Variants in GALR3 observed in about 807,000 individuals in gnomAD.
GALR3 encodes the protein galanin receptor 3.
A neutral mutation model predicts 6.9 loss-of-function variants in GALR3; 5 were observed. The observed-to-expected ratio is 0.72, with a 90% CI of 0.38 to 1.52. The LOEUF (loss-of-function observed/expected upper bound fraction) is 1.52. Among genes scored for constraint, GALR3 ranks in the 40% most tolerant of loss-of-function variants. GALR3 has a pLI of 0.03. For missense variants in GALR3, 570 were observed against 545.6 expected (o/e 1.04, Z -0.44); for synonymous variants, 308 against 263.6 (o/e 1.17, Z -1.63).
Position 37,824,911 on chromosome 22 carries a change from C to G in GALR3, c.548C>G (p.Ala183Gly). Residue 183 changes from alanine (A) to glycine (G), a missense_variant, in exon 2 of 2, where the codon GCC (alanine) becomes GGC (glycine). Physicochemically the swap from Ala to Gly is moderately conservative, Grantham distance 60 (BLOSUM62 0). Transcript: ENST00000249041. ...GCCTGGGAGGACGCGCGCCGCCGCG[C>G]CCTGGACGTGGCCACCTTCGCTGCC... is the stretch of plus-strand genomic sequence containing the variant. The part of the protein sequence containing the change: ...VPAWEDARRR[A>G]LDVATFAAGY... 7.4e-7 allele frequency: 1 copy of G among 1,357,468 alleles called. No individual in the cohort carries two copies. The highest frequency in any genetic ancestry group is 9.5e-7 in the Non-Finnish European group (1 of 1,050,758). The allele number at this position is 1,357,468 out of a possible 1,614,324, so 84.1% of individuals were successfully genotyped here.
Position 37,824,932 on chromosome 22 carries a change from C to A in GALR3, c.569C>A (p.Ala190Asp). 7.5e-7 allele frequency: 1 copy of A among 1,334,398 alleles called. No individual in the cohort carries two copies. The highest frequency in any genetic ancestry group is 9.6e-7 in the Non-Finnish European group (1 of 1,037,494). The allele number at this position is 1,334,398 out of a possible 1,614,324, so 82.7% of individuals were successfully genotyped here. ...RRRALDVATF[A>D]AGYLLPVAVV... ...CGCGCCCTGGACGTGGCCACCTTCGCTGCCGGCTACCTGCTGCCCGTGGCT... is the reference window on the plus strand; with the variant it reads ...CGCGCCCTGGACGTGGCCACCTTCGATGCCGGCTACCTGCTGCCCGTGGCT... Residue 190 changes from alanine (A) to aspartate (D), a missense_variant, in exon 2 of 2, where the codon GCT becomes GAT. Coordinates refer to ENST00000249041, the MANE Select transcript of GALR3 (RefSeq NM_003614.2).
Position 37,825,087 on chromosome 22 carries a change from G to C in GALR3, c.724G>C (p.Ala242Pro). ...RAGRAMLAVA[A>P]LYALCWGPHH... is the part of the protein sequence containing the mutation. ...GGGGCGCGCCATGCTGGCGGTGGCCGCGCTCTACGCGCTCTGCTGGGGTCC... is the reference window on the plus strand; with the variant it reads ...GGGGCGCGCCATGCTGGCGGTGGCCCCGCTCTACGCGCTCTGCTGGGGTCC... The change falls in exon 2 of 2, where the codon GCG (alanine) becomes CCG (proline). Residue 242 changes from alanine to proline, a missense_variant. Ala to Pro is a conservative substitution (Grantham distance 27). Transcript: ENST00000249041. 2.5e-6 allele frequency: 3 copies of C among 1,202,122 alleles called. No individual in the cohort carries two copies. The highest frequency in any genetic ancestry group is 6.2e-5 in the South Asian group (2 of 32,488). 74.5% of individuals were successfully genotyped at this position (1,202,122 alleles called of 1,614,324 possible).
chr22:37,823,968 C>A (rs1224570093), intron 1 of GALR3, among the ~76,000 whole-genome samples: 1 of 152,154 alleles, frequency 6.6e-6, no homozygotes, highest in Non-Finnish European at 1.5e-5. Flanking sequence ...CTGTCCTGCC[C>A]TTCCCCTCCT....
chr22:37,823,495 T>A lies in GALR3; in HGVS notation c.89T>A (p.Leu30Gln), dbSNP rs1922502031. ...GTGGTCTTTGCCCTAATCTTCCTGC[T>A]GGGCACAGTGGGCAATGGGCTGGTG... is the stretch of plus-strand genomic sequence containing the variant. ...VPVVFALIFL[L>Q]GTVGNGLVLA... Residue 30 changes from leucine (L) to glutamine (Q), a missense_variant, in exon 1 of 2, where the codon CTG becomes CAG. Transcript: ENST00000249041. 6.5e-7 allele frequency: 1 copy of A among 1,548,358 alleles called. No individual in the cohort carries two copies. Among genetic ancestry groups the A allele is most frequent in the Admixed American group, 1.7e-5 (1 of 57,692 alleles).
chr22:37,824,330 C>T (rs1252927827), intron 1 of GALR3, among the ~76,000 whole-genome samples: 2 of 151,928 alleles, frequency 1.3e-5, no homozygotes, highest in Non-Finnish European at 2.9e-5. Context: ...CTCGGCCTCC[C>T]AAGTGCTGGG....
At position 37,824,741 on chromosome 22, in the gene GALR3, C is replaced by G; in HGVS notation, c.378C>G (p.His126Gln). The G allele has an allele frequency of 8.1e-7, 1 of 1,236,320 alleles. No individual in the cohort carries two copies. The highest frequency in any genetic ancestry group is 1.0e-6 in the Non-Finnish European group (1 of 989,862). The allele number at this position is 1,236,320 out of a possible 1,614,324, so 76.6% of individuals were successfully genotyped here. ...VSVDRYLAVR[H>Q]PLRSRALRTP... ...TCCGCAGGTACCTGGCCGTGCGGCA[C>G]CCGCTGCGCTCGCGCGCCCTGCGCA... The change falls in exon 2 of 2, where the codon CAC becomes CAG. Residue 126 changes from histidine to glutamine, a missense_variant. Coordinates refer to ENST00000249041, the MANE Select transcript of GALR3 (RefSeq NM_003614.2).
At position 37,825,093 on chromosome 22, in the gene GALR3, TACGCGCTCTGCTGGGGTCCGCACC is replaced by T. The variant is rs759387661; in HGVS notation, c.739_762del (p.Cys247_Leu254del). ...CGCCATGCTGGCGGTGGCCGCGCTC[TACGCGCTCTGCTGGGGTCCGCACC>T]ACGCGCTCATCCTGTGCTTCTGGTA... On this transcript the variant is annotated inframe_deletion, in exon 2 of 2. Transcript: ENST00000249041. 8.8e-6 allele frequency: 11 copies of T among 1,250,880 alleles called. No homozygotes were observed. Among genetic ancestry groups the T allele is most frequent in the Non-Finnish European group, 1.1e-5 (11 of 986,412 alleles). The allele number at this position is 1,250,880 out of a possible 1,614,324, so 77.5% of individuals were successfully genotyped here. A position where few individuals can be genotyped will look rare whatever the true frequency, so the allele number is the denominator to read the frequency against.
In GALR3 at chr22:37,823,414, A is replaced by C. The variant is rs140735671; in HGVS notation, c.8A>C (p.Asp3Ala). ...TGCCCGTCTGATGGGGAGATGGCTG[A>C]TGCCCAGAACATTTCACTGGACAGC... MADAQNISLDSPG... is the reference protein window; with the variant it reads MAAAQNISLDSPG... Residue 3 changes from aspartate (D) to alanine (A), a missense_variant, in exon 1 of 2, where the codon GAT (aspartate) becomes GCT (alanine). By Grantham distance (126) the Asp-to-Ala change is moderately radical. Coordinates refer to ENST00000249041, the MANE Select transcript of GALR3 (RefSeq NM_003614.2). The C allele has an allele frequency of 2.9e-4, 460 of 1,577,294 alleles. 1 individual carries two copies. The African/African-American group carries it at 5.0e-3, about 17-fold the overall frequency.
chr22:37,825,270 C>G lies in GALR3; in HGVS notation c.907C>G (p.Arg303Gly), dbSNP rs1204409449. ...LASRHFRARFRRLWPCGRRRR... is the reference protein window; with the variant it reads ...LASRHFRARFGRLWPCGRRRR... ...CTCGCGCCACTTCCGCGCGCGCTTCCGCCGCCTGTGGCCGTGCGGCCGCCG... is the reference window on the plus strand; with the variant it reads ...CTCGCGCCACTTCCGCGCGCGCTTCGGCCGCCTGTGGCCGTGCGGCCGCCG... The change falls in exon 2 of 2, where the codon CGC (arginine) becomes GGC (glycine). Residue 303 changes from arginine (R) to glycine (G), a missense_variant. Physicochemically the swap from Arg to Gly is moderately radical, Grantham distance 125. Coordinates refer to ENST00000249041, the MANE Select transcript of GALR3 (RefSeq NM_003614.2). 5.7e-6 allele frequency: 8 copies of G among 1,394,038 alleles called. No homozygotes were observed. The highest frequency in any genetic ancestry group is 2.3e-5 in the Admixed American group (1 of 43,816). 86.4% of individuals were successfully genotyped at this position (1,394,038 alleles called of 1,614,324 possible).
chr22:37,823,680 G>A lies in GALR3; in HGVS notation c.274G>A (p.Ala92Thr). 1 of 1,613,896 alleles carries A rather than the reference G, an allele frequency of 6.2e-7. No individual in the cohort carries two copies. Among genetic ancestry groups the A allele is most frequent in the Middle Eastern group, 1.7e-4 (1 of 6,010 alleles). The change falls in exon 1 of 2, where the codon GCC becomes ACC. Residue 92 changes from alanine to threonine, a missense_variant. Coordinates refer to ENST00000249041, the MANE Select transcript of GALR3 (RefSeq NM_003614.2). Reference sequence around the variant, plus strand: ...CACGCTGGATGCCTGGCTCTTTGGGGCCCTCGTCTGCAAGGCCGTGCACCT... The same window carrying A: ...CACGCTGGATGCCTGGCTCTTTGGGACCCTCGTCTGCAAGGCCGTGCACCT... ...IYTLDAWLFGALVCKAVHLLI... is the reference protein window; with the variant it reads ...IYTLDAWLFGTLVCKAVHLLI...
rs766800404 is a variant in GALR3, at chr22:37,825,154, C to T, written c.791C>T (p.Ala264Val). The change falls in exon 2 of 2, where the codon GCC becomes GTC. Residue 264 changes from alanine to valine, a missense_variant. Transcript: ENST00000249041. ...CTGTGCTTCTGGTACGGCCGCTTCG[C>T]CTTCAGCCCGGCCACCTACGCCTGC... ...LILCFWYGRF[A>V]FSPATYACRL... 1.0e-5 allele frequency: 15 copies of T among 1,481,286 alleles called. No individual in the cohort carries two copies. Among genetic ancestry groups the T allele is most frequent in the South Asian group, 3.7e-5 (3 of 82,128 alleles). 91.8% of individuals were successfully genotyped at this position (1,481,286 alleles called of 1,614,324 possible). A position where few individuals can be genotyped will look rare whatever the true frequency, so the allele number is the denominator to read the frequency against.
chr22:37,825,096 G>A lies in GALR3; in HGVS notation c.733G>A (p.Ala245Thr), dbSNP rs760511073. 3 of 1,259,468 alleles carry A rather than the reference G, an allele frequency of 2.4e-6. No individual in the cohort carries two copies. The highest frequency in any genetic ancestry group is 2.4e-5 in the South Asian group (1 of 40,854). The allele number at this position is 1,259,468 out of a possible 1,614,324, so 78.0% of individuals were successfully genotyped here. Reference protein sequence around the residue: ...RAMLAVAALYALCWGPHHALI... With the variant: ...RAMLAVAALYTLCWGPHHALI... Reference sequence around the variant, plus strand: ...CATGCTGGCGGTGGCCGCGCTCTACGCGCTCTGCTGGGGTCCGCACCACGC... The same window carrying A: ...CATGCTGGCGGTGGCCGCGCTCTACACGCTCTGCTGGGGTCCGCACCACGC... Residue 245 changes from alanine (A) to threonine (T), a missense_variant, in exon 2 of 2, where the codon GCG becomes ACG. Transcript: ENST00000249041.
In GALR3 at chr22:37,823,576, C is replaced by A. The variant is rs1267537477; in HGVS notation, c.170C>A (p.Thr57Lys). The change falls in exon 1 of 2, where the codon ACG becomes AAG. Residue 57 changes from threonine (T) to lysine (K), a missense_variant. Thr to Lys is a moderately conservative substitution (Grantham distance 78, BLOSUM62 -1). Coordinates refer to ENST00000249041, the MANE Select transcript of GALR3 (RefSeq NM_003614.2). ...PSAWQEPGST[T>K]DLFILNLAVA... ...GCCTGGCAGGAGCCTGGCAGCACCA[C>A]GGACCTGTTCATCCTCAACCTGGCG... 1 of 1,614,102 alleles carries A rather than the reference C, an allele frequency of 6.2e-7. No individual in the cohort carries two copies. Among genetic ancestry groups the A allele is most frequent in the South Asian group, 1.1e-5 (1 of 91,074 alleles).
At chr22:37,824,001 G>A (rs780086286) in intron 1 of GALR3, among the ~76,000 whole-genome samples, 2 of 152,150 alleles carry the variant, frequency 1.3e-5, no homozygotes, top group African/African-American at 2.4e-5. Flanking sequence ...TCCAGAGGAC[G>A]CCTCTGAGTC....
In GALR3 at chr22:37,825,230, C is replaced by T. The variant is rs781271024; in HGVS notation, c.867C>T (p.Leu289=). 18 of 1,464,226 alleles carry T rather than the reference C, an allele frequency of 1.2e-5. No individual in the cohort carries two copies. The highest frequency in any genetic ancestry group is 1.5e-5 in the Non-Finnish European group (17 of 1,101,768). 90.7% of individuals were successfully genotyped at this position (1,464,226 alleles called of 1,614,324 possible). A position where few individuals can be genotyped will look rare whatever the true frequency, so the allele number is the denominator to read the frequency against. Residue 289 remains leucine (L), a synonymous_variant, in exon 2 of 2, where the codon CTC becomes CTT. Transcript: ENST00000249041. The stretch of plus-strand genomic sequence containing the variant: ...ACGCCAACTCCTGCCTCAACCCGCT[C>T]GTCTACGCGCTCGCCTCGCGCCACT... ...LAYANSCLNP[L]VYALASRHFR... is the part of the protein sequence containing the mutation.
At chr22:37,824,652 G>A in intron 1 of GALR3, 71 bp from the exon 2 acceptor site, 1 of 988,706 alleles carries the variant, frequency 1.0e-6, no homozygotes, top group Non-Finnish European at 1.3e-6. Flanking sequence ...CGCAGGGCCC[G>A]GGCGCGGGAC....
At position 37,823,439 on chromosome 22, in the gene GALR3, C is replaced by T. The variant is rs61737835; in HGVS notation, c.33C>T (p.Ser11=). 2 of 1,607,914 alleles carry T rather than the reference C, an allele frequency of 1.2e-6. No homozygotes were observed. Among genetic ancestry groups the T allele is most frequent in the African/African-American group, 1.3e-5 (1 of 74,970 alleles). The change falls in exon 1 of 2, where the codon AGC becomes AGT. Residue 11 remains serine, a synonymous_variant. Coordinates refer to ENST00000249041, the MANE Select transcript of GALR3 (RefSeq NM_003614.2). ...ATGCCCAGAACATTTCACTGGACAG[C>T]CCAGGGAGTGTGGGGGCCGTGGCAG... MADAQNISLD[S]PGSVGAVAVP... is the part of the protein sequence containing the mutation.
rs762519996 is a variant in GALR3, at chr22:37,825,137, C to T, written c.774C>T (p.Phe258=). ...CGCACCACGCGCTCATCCTGTGCTT[C>T]TGGTACGGCCGCTTCGCCTTCAGCC... ...WGPHHALILC[F]WYGRFAFSPA... The change falls in exon 2 of 2, where the codon TTC becomes TTT. Residue 258 remains phenylalanine, a synonymous_variant. Transcript: ENST00000249041. 5 of 1,466,924 alleles carry T rather than the reference C, an allele frequency of 3.4e-6. No homozygotes were observed. In the South Asian group the frequency reaches 3.7e-5, roughly 11 times the overall value. 90.9% of individuals were successfully genotyped at this position (1,466,924 alleles called of 1,614,324 possible).
At position 37,824,919 on chromosome 22, in the gene GALR3, G is replaced by A; in HGVS notation, c.556G>A (p.Val186Met). 7.4e-7 allele frequency: 1 copy of A among 1,349,582 alleles called. No individual in the cohort carries two copies. The highest frequency in any genetic ancestry group is 2.8e-5 in the Admixed American group (1 of 36,006). 83.6% of individuals were successfully genotyped at this position (1,349,582 alleles called of 1,614,324 possible). The change falls in exon 2 of 2, where the codon GTG becomes ATG. Residue 186 changes from valine (V) to methionine (M), a missense_variant. Coordinates refer to ENST00000249041, the MANE Select transcript of GALR3 (RefSeq NM_003614.2). ...WEDARRRALD[V>M]ATFAAGYLLP... ...GGACGCGCGCCGCCGCGCCCTGGAC[G>A]TGGCCACCTTCGCTGCCGGCTACCT... is the stretch of plus-strand genomic sequence containing the variant.
Sources: allele counts gnomAD v4.1 joint callset (sites outside exome capture counted in the v4.1 genomes callset), GRCh38; gene constraint gnomAD v4.1.1; transcripts MANE v1.5; gene names NCBI Gene and HGNC (gene_info 2026-07-23, HGNC 2026-07-21).